MAP2K4: variants seen among roughly 807,000 people sequenced by gnomAD.
MAP2K4 encodes mitogen-activated protein kinase kinase 4, also known as dual specificity mitogen-activated protein kinase kinase 4.
In MAP2K4, 4 loss-of-function variants were observed where a neutral mutation model predicts 48.5. The observed-to-expected ratio is 0.08, with a 90% CI of 0.04 to 0.19. The LOEUF (loss-of-function observed/expected upper bound fraction) is 0.19, where lower values mean the gene tolerates loss of function less well. MAP2K4 is among the 10% of genes least tolerant of loss of function. The pLI, the probability that MAP2K4 is intolerant of heterozygous loss-of-function variation, is 1.00. For synonymous variants in MAP2K4, 166 were observed against 173.1 expected (o/e 0.96, Z 0.32); for missense variants, 258 against 493.3 (o/e 0.52, Z 4.52).
At chr17:12,102,140 T>C (rs1475071656) in intron 4 of MAP2K4, among the ~76,000 whole-genome samples, 3 of 152,102 alleles carry the variant, frequency 2.0e-5, no homozygotes, top group African/African-American at 7.2e-5. Flanking sequence ...AGCTGTGGAC[T>C]TTTCATATAT....
chr17:12,134,306 T>C (rs1387823081), intron 9 of MAP2K4, among the ~76,000 whole-genome samples: 1 of 152,076 alleles, frequency 6.6e-6, no homozygotes, highest in Non-Finnish European at 1.5e-5. Context: ...CTAAGAAATC[T>C]AAACAAATAT....
intron 2 of MAP2K4, among the ~76,000 whole-genome samples, chr17:12,073,343 G>T (rs1387205350): frequency 2.0e-5 from 3 of 152,156 alleles, no homozygotes; most frequent in Non-Finnish European, 4.4e-5. Context: ...AAGTAGAGAA[G>T]GATTGTAGTA....
intron 3 of MAP2K4, among the ~76,000 whole-genome samples, chr17:12,084,650 A>C (rs1377981191): frequency 1.3e-5 from 2 of 152,200 alleles, no homozygotes; most frequent in African/African-American, 4.8e-5. Flanking sequence ...ACTGTCCTCT[A>C]CATAAAGTAG....
At chr17:12,028,297 G>A (rs1159616673) in intron 1 of MAP2K4, among the ~76,000 whole-genome samples, 1 of 152,166 alleles carries the variant, frequency 6.6e-6, no homozygotes, top group Non-Finnish European at 1.5e-5. Context: ...GTGTGGAAGG[G>A]ATTTGATGAG....
rs1175878255 is a variant in MAP2K4, at chr17:12,142,367, T to C, written c.*1107T>C. 4.3e-6 allele frequency: 1 copy of C among 233,172 alleles called. No individual in the cohort carries two copies. Among genetic ancestry groups the C allele is most frequent in the African/African-American group, 2.2e-5 (1 of 45,348 alleles). 14.4% of individuals were successfully genotyped at this position (233,172 alleles called of 1,614,324 possible). ...CCAGGTCTTCAGTTTCCGAATCTCT[T>C]TCCCTTCCCCTGTGGTCTATTGTCG... On this transcript the variant is annotated 3_prime_UTR_variant, in exon 11 of 11. Transcript: ENST00000353533.
At position 12,071,453 on chromosome 17, in the gene MAP2K4, A is replaced by G. The variant is rs901179029; in HGVS notation, c.219-9903A>G. Among the ~76,000 whole-genome samples the G allele has an allele frequency of 1.4e-4, 22 of 152,326 alleles. 1 individual carries two copies. Among genetic ancestry groups the G allele is most frequent in the Admixed American group, 1.3e-3 (20 of 15,298 alleles). ...CCTTTGTGACACAAACATAAGCAGT[A>G]GAGTAAAGGGAGTACTAGAAAATTC... is the stretch of plus-strand genomic sequence containing the variant. On this transcript the variant is annotated intron_variant, in intron 2 of 10. Coordinates refer to ENST00000353533, the MANE Select transcript of MAP2K4 (RefSeq NM_003010.4).
intron 1 of MAP2K4, among the ~76,000 whole-genome samples, chr17:12,048,364 G>A (rs909617721): frequency 1.3e-5 from 2 of 152,178 alleles, no homozygotes; most frequent in African/African-American, 4.8e-5. Flanking sequence ...AGTGTAAAAT[G>A]TGCTAAAAGT....
chr17:12,047,065 C>T (rs4792215), intron 1 of MAP2K4, among the ~76,000 whole-genome samples: 145,125 of 152,174 alleles, frequency 0.95, 69,582 homozygotes, highest in East Asian at 1. Flanking sequence ...AGGAGTGACA[C>T]AATCCTTGGT....
At chr17:12,136,515 G>A (rs1290858577) in intron 9 of MAP2K4, among the ~76,000 whole-genome samples, 2 of 152,224 alleles carry the variant, frequency 1.3e-5, no homozygotes, top group African/African-American at 4.8e-5. Flanking sequence ...GCTCTGTCTA[G>A]TGTGGTAGCT....
intron 6 of MAP2K4, among the ~76,000 whole-genome samples, chr17:12,112,442 A>G (rs1167607878): frequency 6.6e-6 from 1 of 150,810 alleles, no homozygotes; most frequent in East Asian, 2.0e-4. Flanking sequence ...CAGCCTGGGT[A>G]AAAAAGAGCG....
At chr17:12,080,655 T>G (rs1971160195) in intron 2 of MAP2K4, among the ~76,000 whole-genome samples, 1 of 152,176 alleles carries the variant, frequency 6.6e-6, no homozygotes. Flanking sequence ...ATTTTCCTCT[T>G]AGAGCCAGCT....
At chr17:12,109,386 C>G (rs1972232591) in intron 5 of MAP2K4, among the ~76,000 whole-genome samples, 1 of 152,108 alleles carries the variant, frequency 6.6e-6, no homozygotes, top group Non-Finnish European at 1.5e-5. Flanking sequence ...TGTATTTAGT[C>G]TCTTCTTGCT....
chr17:12,132,506 GCAAA>G (rs1195513173), intron 9 of MAP2K4, among the ~76,000 whole-genome samples: 1 of 151,756 alleles, frequency 6.6e-6, no homozygotes, highest in African/African-American at 2.4e-5. Flanking sequence ...AAAGTTAAAA[GCAAA>G]CAATATAAGG....
rs550568803 is a variant in MAP2K4, at chr17:12,033,135, C to CA, written c.115+12144dup. On this transcript the variant is annotated intron_variant, in intron 1 of 10. Coordinates refer to ENST00000353533, the MANE Select transcript of MAP2K4 (RefSeq NM_003010.4). ...ACAGGTGTGAGCGACTGTACCCGGC[C>CA]AAAAAAAAAATGCATTTAAGCTTAA... 3.6e-3 allele frequency among the ~76,000 whole-genome samples: 516 copies of CA among 145,040 alleles called. 2 individuals carry two copies. Among genetic ancestry groups the CA allele is most frequent in the Non-Finnish European group, 5.5e-3 (363 of 65,864 alleles).
intron 1 of MAP2K4, among the ~76,000 whole-genome samples, chr17:12,026,644 C>G (rs1328005280): frequency 2.0e-5 from 3 of 152,208 alleles, no homozygotes; most frequent in African/African-American, 7.2e-5. Flanking sequence ...CCTCTTACTA[C>G]TCTACTGCAT....
chr17:12,055,047 T>C, intron 2 of MAP2K4, 56 bp downstream of exon 2: 2 of 1,123,374 alleles, frequency 1.8e-6, no homozygotes, highest in Non-Finnish European at 2.6e-6. Context: ...AAAGTTACTG[T>C]ATTTTATGAA....
intron 2 of MAP2K4, among the ~76,000 whole-genome samples, chr17:12,058,046 C>T (rs1346114401): frequency 2.0e-5 from 3 of 151,412 alleles, no homozygotes; most frequent in Non-Finnish European, 4.4e-5. Flanking sequence ...CTTTACTTTT[C>T]TGTGAGTATT....
intron 9 of MAP2K4, among the ~76,000 whole-genome samples, chr17:12,137,331 T>C (rs912709802): frequency 6.6e-6 from 1 of 152,188 alleles, no homozygotes; most frequent in Non-Finnish European, 1.5e-5. Context: ...TAAGTTGAAA[T>C]AGATTTATGA....
chr17:12,120,057 C>G (rs948935836), intron 7 of MAP2K4, among the ~76,000 whole-genome samples: 2 of 152,130 alleles, frequency 1.3e-5, no homozygotes, highest in Non-Finnish European at 2.9e-5. Context: ...GGGTACTAGG[C>G]TTAGTAACTG....
Sources: gnomAD v4.1 joint callset for allele counts (sites outside exome capture counted in the v4.1 genomes callset) on GRCh38, gnomAD v4.1.1 for gene constraint, MANE v1.5 for transcripts, NCBI Gene and HGNC (gene_info 2026-07-23, HGNC 2026-07-21) for gene names.